The following DLGAP2 variants were observed in gnomAD, a reference collection of about 807,000 sequenced individuals.
DLGAP2 encodes DLG associated protein 2.
A neutral mutation model predicts 100.3 loss-of-function variants in DLGAP2; 26 were observed. The ratio of observed to expected loss-of-function variants is 0.26; its 90% CI spans 0.19 to 0.36. The LOEUF is 0.36. DLGAP2 is among the 10% of genes least tolerant of loss of function. The probability of loss-of-function intolerance (pLI) is 1.00; values close to 1 mark genes in which losing one functional copy is unlikely to be tolerated. For synonymous variants in DLGAP2, 886 were observed against 630.1 expected (o/e 1.41, Z -6.08); for missense variants, 1,858 against 1,453.2 (o/e 1.28, Z -4.53).
intron 2 of DLGAP2, among the ~76,000 whole-genome samples, chr8:1,223,467 CTCTT>C (rs1387044597): frequency 3.3e-5 from 5 of 152,188 alleles, no homozygotes; most frequent in Non-Finnish European, 1.5e-5. Flanking sequence ...GATGACATTT[CTCTT>C]TCTTCTACAA....
intron 2 of DLGAP2, among the ~76,000 whole-genome samples, chr8:1,202,097 C>T: frequency 6.6e-6 from 1 of 151,426 alleles, no homozygotes; most frequent in Non-Finnish European, 1.5e-5. Flanking sequence ...TGCAAGTGTG[C>T]ACATGTGTAC....
chr8:1,473,962 C>T (rs1401905242), intron 3 of DLGAP2, among the ~76,000 whole-genome samples: 8 of 152,164 alleles, frequency 5.3e-5, no homozygotes, highest in Non-Finnish European at 1.2e-4. Context: ...TTGTATATGT[C>T]TTCATCAGCA....
intron 3 of DLGAP2, among the ~76,000 whole-genome samples, chr8:1,465,762 T>C (rs1044826894): frequency 2.6e-5 from 4 of 152,300 alleles, no homozygotes; most frequent in Non-Finnish European, 4.4e-5. Flanking sequence ...GGGTGGAAAC[T>C]AGCAAGGCCT....
At chr8:1,463,255 A>G (rs553116359) in intron 3 of DLGAP2, among the ~76,000 whole-genome samples, 1 of 152,232 alleles carries the variant, frequency 6.6e-6, no homozygotes, top group Non-Finnish European at 1.5e-5. Context: ...TCTCAAAAAA[A>G]CAAAAGAAAA....
At chr8:1,081,388 G>A (rs1327406777) in intron 2 of DLGAP2, among the ~76,000 whole-genome samples, 1 of 152,218 alleles carries the variant, frequency 6.6e-6, no homozygotes, top group Non-Finnish European at 1.5e-5. Context: ...ATCTTGCTCT[G>A]TCGCCCAGGT....
intron 2 of DLGAP2, among the ~76,000 whole-genome samples, chr8:1,075,642 C>A (rs1350847959): frequency 6.6e-6 from 1 of 152,136 alleles, no homozygotes; most frequent in African/African-American, 2.4e-5. Context: ...CCTTGATGAC[C>A]ACTTGAACTC....
At chr8:1,607,844 C>T (rs1252727103) in intron 6 of DLGAP2, among the ~76,000 whole-genome samples, 37 of 147,220 alleles carry the variant, frequency 2.5e-4, no homozygotes, top group South Asian at 6.7e-4. Context: ...GCTTAAAAAA[C>T]GGCGCACCAC....
At chr8:1,530,975 C>A (rs2130453924) in intron 4 of DLGAP2, among the ~76,000 whole-genome samples, 1 of 152,280 alleles carries the variant, frequency 6.6e-6, no homozygotes, top group East Asian at 1.9e-4. Context: ...TTTTGGATTC[C>A]ATATATAAAT....
At chr8:1,334,516 G>A (rs80063642) in intron 3 of DLGAP2, among the ~76,000 whole-genome samples, 23 of 152,300 alleles carry the variant, frequency 1.5e-4, no homozygotes, top group African/African-American at 5.3e-4. Context: ...CCACTGGTAT[G>A]ATTCCTAAAG....
intron 2 of DLGAP2, among the ~76,000 whole-genome samples, chr8:1,244,938 A>G (rs1211550349): frequency 6.6e-6 from 1 of 152,226 alleles, no homozygotes; most frequent in Non-Finnish European, 1.5e-5. Context: ...ACAAGCCGAG[A>G]AAGGGATGGG....
chr8:837,805 C>T (rs913660516), intron 1 of DLGAP2, among the ~76,000 whole-genome samples: 1 of 150,664 alleles, frequency 6.6e-6, no homozygotes, highest in African/African-American at 2.4e-5. Context: ...CAACTTCTGC[C>T]TCCCGGGTTC....
chr8:1,175,701 C>T (rs1797237738), intron 2 of DLGAP2, among the ~76,000 whole-genome samples: 1 of 152,182 alleles, frequency 6.6e-6, no homozygotes, highest in Admixed American at 6.5e-5. Flanking sequence ...TAGATATCAG[C>T]ACCTTTAAGA....
intron 4 of DLGAP2, among the ~76,000 whole-genome samples, chr8:1,537,745 GGAA>G (rs1801204333): frequency 7.2e-6 from 1 of 138,784 alleles, no homozygotes; most frequent in Non-Finnish European, 1.6e-5. Flanking sequence ...AAGGAAGGAA[GGAA>G]GGAAGGAAGG....
At chr8:1,192,427 C>T (rs1797659829) in intron 2 of DLGAP2, among the ~76,000 whole-genome samples, 1 of 152,126 alleles carries the variant, frequency 6.6e-6, no homozygotes, top group African/African-American at 2.4e-5. Flanking sequence ...CAATGAAATC[C>T]ACTGTCAGTG....
intron 2 of DLGAP2, among the ~76,000 whole-genome samples, chr8:1,166,787 A>G (rs116629584): frequency 1.9e-3 from 282 of 152,324 alleles, no homozygotes; most frequent in African/African-American, 6.3e-3. Context: ...TTTACATACA[A>G]TAACAATGGT....
At position 996,805 on chromosome 8, in the gene DLGAP2, G is replaced by T. The variant is rs79351490; in HGVS notation, c.73+88839G>T. On this transcript the variant is annotated intron_variant, in intron 2 of 14. Transcript: ENST00000637795. ...GAATCATAAGTGTGAGTTAATATGCGTGGCAGACATCTATCTAAACAGTAG... is the reference window on the plus strand; with the variant it reads ...GAATCATAAGTGTGAGTTAATATGCTTGGCAGACATCTATCTAAACAGTAG... 2.0e-5 allele frequency among the ~76,000 whole-genome samples: 3 copies of T among 152,266 alleles called. No individual in the cohort carries two copies. In the South Asian group the frequency reaches 6.2e-4, roughly 32 times the overall value.
At chr8:1,176,699 C>T (rs957490261) in intron 2 of DLGAP2, among the ~76,000 whole-genome samples, 11 of 152,100 alleles carry the variant, frequency 7.2e-5, no homozygotes, top group East Asian at 1.9e-4. Context: ...CCCAGGGCTC[C>T]GTCTGCCATG....
intron 2 of DLGAP2, chr8:1,019,723 TC>T (rs1801575454): frequency 6.6e-6 from 1 of 152,234 alleles, no homozygotes; most frequent in African/African-American, 2.4e-5. Flanking sequence ...TCTATCAGAC[TC>T]TGATTCTTTC....
chr8:1,290,319 A>G (rs1164590322), intron 3 of DLGAP2, among the ~76,000 whole-genome samples: 4 of 152,172 alleles, frequency 2.6e-5, no homozygotes, highest in Non-Finnish European at 4.4e-5. Context: ...GTCATTTACA[A>G]CACACCTGCA....
Sources: allele counts gnomAD v4.1 joint callset (sites outside exome capture counted in the v4.1 genomes callset), GRCh38; gene constraint gnomAD v4.1.1; transcripts MANE v1.5; gene names NCBI Gene and HGNC (gene_info 2026-07-23, HGNC 2026-07-21).